MYRIP: variants seen among roughly 807,000 people sequenced by gnomAD.
MYRIP encodes the protein rab effector MyRIP.
In MYRIP, 49 loss-of-function variants were observed where a neutral mutation model predicts 98.0. The ratio of observed to expected loss-of-function variants is 0.50; its 90% CI spans 0.40 to 0.63. The LOEUF is 0.63. MYRIP is among the 30% of genes least tolerant of loss of function. MYRIP has a pLI of 0.00. For synonymous variants in MYRIP, 404 were observed against 409.5 expected (o/e 0.99, Z 0.16); for missense variants, 1,004 against 1,058.2 (o/e 0.95, Z 0.71).
intron 1 of MYRIP, among the ~76,000 whole-genome samples, chr3:39,872,979 C>A (rs1404909085): frequency 6.6e-6 from 1 of 152,204 alleles, no homozygotes; most frequent in Non-Finnish European, 1.5e-5. Context: ...TCCTATTTCT[C>A]CATATCCTCT....
chr3:40,206,076 A>G (rs1951786004), intron 10 of MYRIP, among the ~76,000 whole-genome samples: 1 of 152,156 alleles, frequency 6.6e-6, no homozygotes, highest in South Asian at 2.1e-4. Flanking sequence ...GTGCGTGCAT[A>G]CCAAAGTTTG....
intron 3 of MYRIP, among the ~76,000 whole-genome samples, chr3:40,086,536 C>T (rs1213136379): frequency 1.3e-5 from 2 of 152,208 alleles, no homozygotes; most frequent in Non-Finnish European, 2.9e-5. Flanking sequence ...TGCTCTTCGC[C>T]AGGTTTCAGG....
intron 2 of MYRIP, among the ~76,000 whole-genome samples, chr3:40,021,708 A>T (rs1449244276): frequency 1.3e-5 from 2 of 152,176 alleles, no homozygotes; most frequent in Admixed American, 6.6e-5. Flanking sequence ...GTTTTGACCA[A>T]CTCTGGAGGA....
At chr3:39,975,345 G>A (rs62264393) in intron 2 of MYRIP, among the ~76,000 whole-genome samples, 4 of 151,820 alleles carry the variant, frequency 2.6e-5, no homozygotes, top group South Asian at 2.1e-4. Context: ...TACAAGGGAC[G>A]TGAAGGACCT....
intron 4 of MYRIP, among the ~76,000 whole-genome samples, chr3:40,162,382 A>T (rs967369427): frequency 4.6e-5 from 7 of 152,188 alleles, no homozygotes; most frequent in Admixed American, 1.3e-4. Context: ...AGATGCAGCC[A>T]TGCCAAGCCA....
intron 2 of MYRIP, chr3:39,970,404 G>A (rs1945551896): frequency 6.6e-6 from 1 of 152,092 alleles, no homozygotes; most frequent in African/African-American, 2.4e-5. Flanking sequence ...ATAGATAAGA[G>A]ATTGAAGAAG....
chr3:39,810,362 G>A (rs1277627814), intron 1 of MYRIP: 1 of 152,388 alleles, frequency 6.6e-6, no homozygotes, highest in African/African-American at 2.4e-5. Flanking sequence ...CTGTAAAACG[G>A]GGGTAATCAG....
At chr3:40,089,135 G>A (rs1308830927) in intron 3 of MYRIP, among the ~76,000 whole-genome samples, 1 of 152,140 alleles carries the variant, frequency 6.6e-6, no homozygotes, top group African/African-American at 2.4e-5. Flanking sequence ...GGATCCCTCT[G>A]GTGTACAGCA....
intron 2 of MYRIP, among the ~76,000 whole-genome samples, chr3:39,936,693 C>T (rs529941470): frequency 6.6e-6 from 1 of 152,268 alleles, no homozygotes; most frequent in African/African-American, 2.4e-5. Flanking sequence ...CACCGTAATA[C>T]ACAAAGACTC....
At chr3:40,089,729 C>T (rs1948705049) in intron 3 of MYRIP, among the ~76,000 whole-genome samples, 2 of 152,198 alleles carry the variant, frequency 1.3e-5, no homozygotes, top group African/African-American at 2.4e-5. Context: ...AAGGGCCTCT[C>T]TCTGTTGGAT....
intron 11 of MYRIP, among the ~76,000 whole-genome samples, chr3:40,219,903 T>C (rs1341058089): frequency 2.0e-5 from 3 of 149,108 alleles, no homozygotes; most frequent in Non-Finnish European, 3.0e-5. Context: ...CCCTGAGGAA[T>C]CGCCACACTG....
intron 2 of MYRIP, among the ~76,000 whole-genome samples, chr3:40,009,694 GT>G (rs1575461749): frequency 6.6e-6 from 1 of 152,198 alleles, no homozygotes; most frequent in African/African-American, 2.4e-5. Flanking sequence ...GGGATGCTAT[GT>G]GTTAGATAGA....
chr3:40,034,863 C>G (rs1426854708), intron 2 of MYRIP, among the ~76,000 whole-genome samples: 1 of 151,606 alleles, frequency 6.6e-6, no homozygotes, highest in African/African-American at 2.4e-5. Flanking sequence ...GAAAATGTGG[C>G]ACATATACAC....
At chr3:39,855,393 T>C (rs1175365429) in intron 1 of MYRIP, among the ~76,000 whole-genome samples, 1 of 152,018 alleles carries the variant, frequency 6.6e-6, no homozygotes, top group Non-Finnish European at 1.5e-5. Context: ...ATTGTAAAGC[T>C]CCCAAAAGTT....
At chr3:40,003,418 A>T (rs903381955) in intron 2 of MYRIP, among the ~76,000 whole-genome samples, 2 of 152,346 alleles carry the variant, frequency 1.3e-5, no homozygotes, top group East Asian at 3.9e-4. Context: ...ATCTACTTGT[A>T]TGTGGGTTGA....
chr3:40,201,923 G>A (rs917079434), intron 10 of MYRIP, among the ~76,000 whole-genome samples: 3 of 152,158 alleles, frequency 2.0e-5, no homozygotes, highest in Non-Finnish European at 4.4e-5. Context: ...CAAGTCCTCT[G>A]GGAGAGACAG....
At chr3:40,216,715 G>A (rs183204866) in intron 11 of MYRIP, among the ~76,000 whole-genome samples, 387 of 152,188 alleles carry the variant, frequency 2.5e-3, no homozygotes, top group Non-Finnish European at 3.8e-3. Flanking sequence ...TTCCATTGGG[G>A]GGAAAACCCT....
At chr3:40,154,658 G>A (rs758256293) in intron 4 of MYRIP, among the ~76,000 whole-genome samples, 65 of 152,008 alleles carry the variant, frequency 4.3e-4, no homozygotes, top group Non-Finnish European at 6.3e-4. Context: ...CATCACCTAG[G>A]TATAAGCCCC....
chr3:39,966,001 G>T (rs1444702998), intron 2 of MYRIP, among the ~76,000 whole-genome samples: 1 of 152,094 alleles, frequency 6.6e-6, no homozygotes, highest in Admixed American at 6.6e-5. Flanking sequence ...TTATAATCTT[G>T]GGCCAGGAAA....
Sources: allele counts gnomAD v4.1 joint callset (sites outside exome capture counted in the v4.1 genomes callset), GRCh38; gene constraint gnomAD v4.1.1; transcripts MANE v1.5; gene names NCBI Gene and HGNC (gene_info 2026-07-23, HGNC 2026-07-21).